The following SLC9A2 variants were observed in gnomAD, a reference collection of about 807,000 sequenced individuals.
SLC9A2 encodes the protein solute carrier family 9 member A2.
Under a neutral mutation model 71.7 loss-of-function variants are expected in SLC9A2, and 42 were observed. The ratio of observed to expected loss-of-function variants is 0.59; its 90% CI spans 0.46 to 0.76. The LOEUF is 0.76. SLC9A2 is among the 30% of genes least tolerant of loss of function. SLC9A2 has a pLI of 0.00. For synonymous variants in SLC9A2, 396 were observed against 392.5 expected (o/e 1.01, Z -0.10); for missense variants, 829 against 1,017.4 (o/e 0.81, Z 2.52).
chr2:102,630,676 A>G (rs531568548), intron 1 of SLC9A2, among the ~76,000 whole-genome samples: 1 of 151,764 alleles, frequency 6.6e-6, no homozygotes, highest in African/African-American at 2.4e-5. Flanking sequence ...TTTTACTCTC[A>G]GTGCATTTCT....
intron 1 of SLC9A2, among the ~76,000 whole-genome samples, chr2:102,652,747 C>T (rs551668355): frequency 1.3e-5 from 2 of 152,292 alleles, no homozygotes; most frequent in East Asian, 1.9e-4. Context: ...CGTGGACAGC[C>T]TTGTAAAAGC....
At chr2:102,677,006 A>G (rs1677356522) in intron 3 of SLC9A2, among the ~76,000 whole-genome samples, 1 of 152,230 alleles carries the variant, frequency 6.6e-6, no homozygotes. Flanking sequence ...TACACAGTTC[A>G]GATTGTAGAT....
chr2:102,702,381 A>G, intron 8 of SLC9A2, 25 bp from the exon 9 acceptor site: 1 of 1,289,610 alleles, frequency 7.8e-7, no homozygotes, highest in South Asian at 1.3e-5. Context: ...GAAAGGTAAA[A>G]TATTCTTTTT....
intron 9 of SLC9A2, among the ~76,000 whole-genome samples, chr2:102,702,757 A>G (rs1252702358): frequency 6.6e-6 from 1 of 152,210 alleles, no homozygotes; most frequent in Non-Finnish European, 1.5e-5. Flanking sequence ...ACGTTGACTA[A>G]TTTTAAAGAA....
chr2:102,678,062 C>T (rs1677375562), intron 3 of SLC9A2, among the ~76,000 whole-genome samples: 1 of 152,144 alleles, frequency 6.6e-6, no homozygotes. Context: ...CTCAAATGTC[C>T]TCTTTTGTGG....
intron 2 of SLC9A2, among the ~76,000 whole-genome samples, chr2:102,664,201 G>A (rs1486836496): frequency 3.3e-5 from 5 of 151,528 alleles, no homozygotes; most frequent in South Asian, 2.1e-4. Context: ...GCTTGAACCC[G>A]GGAGGCAGAG....
intron 3 of SLC9A2, among the ~76,000 whole-genome samples, chr2:102,681,667 G>A (rs1677455060): frequency 6.6e-6 from 1 of 152,164 alleles, no homozygotes; most frequent in Admixed American, 6.5e-5. Flanking sequence ...ATTTAATAAG[G>A]CCATTCCTTC....
Position 102,648,929 on chromosome 2 carries a change from A to G in SLC9A2, c.290-8635A>G, listed in dbSNP as rs200101730. 3.4e-4 allele frequency among the ~76,000 whole-genome samples: 51 copies of G among 152,212 alleles called. 1 individual carries two copies. The highest frequency in any genetic ancestry group is 1.1e-3 in the African/African-American group (44 of 41,550). On this transcript the variant is annotated intron_variant, in intron 1 of 11. Coordinates refer to ENST00000233969, the MANE Select transcript of SLC9A2 (RefSeq NM_003048.6). ...CTGCCCAAAGTAATTTATAGATTCA[A>G]TGCTATCCCCATCAAGCTACCATTG...
At chr2:102,634,200 G>A (rs1676426072) in intron 1 of SLC9A2, among the ~76,000 whole-genome samples, 1 of 152,116 alleles carries the variant, frequency 6.6e-6, no homozygotes, top group Non-Finnish European at 1.5e-5. Flanking sequence ...CTAATGACCT[G>A]TCACATATAT....
At chr2:102,624,898 A>G (rs1354222569) in intron 1 of SLC9A2, among the ~76,000 whole-genome samples, 1 of 152,192 alleles carries the variant, frequency 6.6e-6, no homozygotes, top group Non-Finnish European at 1.5e-5. Flanking sequence ...AGAGTTTCAT[A>G]TCTGTCTGAA....
intron 1 of SLC9A2, among the ~76,000 whole-genome samples, chr2:102,656,260 C>T (rs1676940211): frequency 6.6e-6 from 1 of 152,192 alleles, no homozygotes; most frequent in African/African-American, 2.4e-5. Flanking sequence ...AGGCCTCCTC[C>T]TAACATGTTC....
At chr2:102,669,163 GACAAGT>G (rs1490763226) in intron 3 of SLC9A2, among the ~76,000 whole-genome samples, 1 of 152,086 alleles carries the variant, frequency 6.6e-6, no homozygotes, top group Non-Finnish European at 1.5e-5. Flanking sequence ...GCTTTTTACT[GACAAGT>G]AAATTAAATA....
At chr2:102,687,067 A>G (rs34650568) in intron 5 of SLC9A2, among the ~76,000 whole-genome samples, 17,540 of 152,228 alleles carry the variant, frequency 0.12, 1,292 homozygotes, top group Middle Eastern at 0.2. Flanking sequence ...TCCTCTTATT[A>G]GGTTAAACGA....
At chr2:102,682,999 T>C (rs1225312559) in intron 3 of SLC9A2, among the ~76,000 whole-genome samples, 1 of 152,174 alleles carries the variant, frequency 6.6e-6, no homozygotes, top group African/African-American at 2.4e-5. Context: ...GACCTTTAAG[T>C]GTGAATCTGG....
chr2:102,697,483 T>C (rs1176201071), intron 7 of SLC9A2: 1 of 151,876 alleles, frequency 6.6e-6, no homozygotes, highest in Non-Finnish European at 1.5e-5. Context: ...GTTACATGGC[T>C]AGCATTTGCC....
chr2:102,638,471 A>G (rs1676512514), intron 1 of SLC9A2, among the ~76,000 whole-genome samples: 1 of 152,248 alleles, frequency 6.6e-6, no homozygotes, highest in African/African-American at 2.4e-5. Flanking sequence ...ACCTTGAATA[A>G]GAAGCACAAG....
intron 3 of SLC9A2, among the ~76,000 whole-genome samples, chr2:102,675,361 T>TGGGA (rs1677329310): frequency 6.6e-6 from 1 of 152,172 alleles, no homozygotes; most frequent in Non-Finnish European, 1.5e-5. Context: ...TATAGGCAGG[T>TGGGA]GGGAGCCTTT....
At chr2:102,707,745 C>T (rs867902629) in intron 11 of SLC9A2, among the ~76,000 whole-genome samples, 1 of 152,180 alleles carries the variant, frequency 6.6e-6, no homozygotes, top group Non-Finnish European at 1.5e-5. Flanking sequence ...AGCACAGCTG[C>T]TACTGCCAGA....
chr2:102,672,679 C>T (rs932660549), intron 3 of SLC9A2, among the ~76,000 whole-genome samples: 1 of 152,056 alleles, frequency 6.6e-6, no homozygotes, highest in Non-Finnish European at 1.5e-5. Context: ...CCTAGGTCCA[C>T]ATTCGGGGGT....
Sources: allele counts gnomAD v4.1 joint callset (sites outside exome capture counted in the v4.1 genomes callset), GRCh38; gene constraint gnomAD v4.1.1; transcripts MANE v1.5; gene names NCBI Gene and HGNC (gene_info 2026-07-23, HGNC 2026-07-21).